FHIP1A: variants seen among roughly 807,000 people sequenced by gnomAD.
The protein encoded by FHIP1A is FHF complex subunit HOOK interacting protein 1A.
In FHIP1A, 61 loss-of-function variants were observed where a neutral mutation model predicts 88.6. That is an observed-to-expected ratio of 0.69 (90% CI 0.56 to 0.85). The LOEUF is 0.85. FHIP1A is among the 40% of genes least tolerant of loss of function. The pLI is 0.00. For synonymous variants in FHIP1A, 478 were observed against 496.0 expected (o/e 0.96, Z 0.48); for missense variants, 1,154 against 1,273.5 (o/e 0.91, Z 1.43).
At chr4:151,436,638 G>A (rs1158890713) in intron 1 of FHIP1A, 1 of 152,146 alleles carries the variant, frequency 6.6e-6, no homozygotes, top group Non-Finnish European at 1.5e-5. Flanking sequence ...ACTTGACAAA[G>A]TGTCATCTTT....
intron 13 of FHIP1A, among the ~76,000 whole-genome samples, chr4:151,659,919 C>T (rs72956927): frequency 0.035 from 5,297 of 152,302 alleles, 310 homozygotes; most frequent in African/African-American, 0.12. Flanking sequence ...TGAGATTCAG[C>T]CACTTGCCAT....
At chr4:151,598,333 T>C (rs1734731109) in intron 7 of FHIP1A, among the ~76,000 whole-genome samples, 1 of 152,192 alleles carries the variant, frequency 6.6e-6, no homozygotes, top group Admixed American at 6.5e-5. Context: ...TGCCCCACCC[T>C]GCTTTGGCTT....
At chr4:151,635,399 C>A (rs564198169) in intron 8 of FHIP1A, among the ~76,000 whole-genome samples, 10 of 151,764 alleles carry the variant, frequency 6.6e-5, no homozygotes, top group Non-Finnish European at 1.2e-4. Flanking sequence ...ATTTAAAGCA[C>A]GATCTTGAAC....
At position 151,516,601 on chromosome 4, in the gene FHIP1A, A is replaced by C. The variant is rs560885481; in HGVS notation, c.-123+33953A>C. 1.1e-4 allele frequency among the ~76,000 whole-genome samples: 16 copies of C among 152,352 alleles called. 2 individuals are homozygous for C. Among genetic ancestry groups the C allele is most frequent in the South Asian group, 4.1e-4 (2 of 4,820 alleles). On this transcript the variant is annotated intron_variant, in intron 3 of 13. Transcript: ENST00000435205. ...ATCTACAATGAACTCAAACAAATTT[A>C]CAAGAAAAAAACAAACAACCCCATC...
intron 3 of FHIP1A, among the ~76,000 whole-genome samples, chr4:151,511,358 G>A (rs913137255): frequency 3.9e-5 from 6 of 152,222 alleles, no homozygotes; most frequent in East Asian, 1.9e-4. Context: ...TGTGAGCGAC[G>A]CAGAAGACGG....
At chr4:151,489,791 C>T (rs1345680835) in intron 3 of FHIP1A, among the ~76,000 whole-genome samples, 1 of 152,102 alleles carries the variant, frequency 6.6e-6, no homozygotes, top group Non-Finnish European at 1.5e-5. Context: ...TACCCTCCAT[C>T]CTCCTCAGTG....
intron 5 of FHIP1A, among the ~76,000 whole-genome samples, chr4:151,579,714 A>G (rs901462245): frequency 9.8e-5 from 15 of 152,360 alleles, no homozygotes; most frequent in Middle Eastern, 3.4e-3. Flanking sequence ...GGAAAGCTCT[A>G]CAGCTTGTAG....
At chr4:151,474,437 T>C (rs539234568) in intron 2 of FHIP1A, among the ~76,000 whole-genome samples, 13 of 152,188 alleles carry the variant, frequency 8.5e-5, no homozygotes, top group Non-Finnish European at 1.8e-4. Context: ...CTGTACTGTT[T>C]AGTGTCAGAA....
chr4:151,588,709 C>T (rs1416906170), intron 6 of FHIP1A, 131 bp from the exon 7 acceptor site: 1 of 711,162 alleles, frequency 1.4e-6, no homozygotes, highest in Non-Finnish European at 2.5e-6. Flanking sequence ...CTGATTTGTT[C>T]TTTAATCACA....
chr4:151,447,945 G>A (rs1728663488), intron 1 of FHIP1A, among the ~76,000 whole-genome samples: 1 of 152,166 alleles, frequency 6.6e-6, no homozygotes. Context: ...GTCTTGCTCT[G>A]TAGCCCAGGC....
rs911335928 is a variant in FHIP1A, at chr4:151,430,902, G to C, written c.-356+21437G>C. ...AAAGTTCTATTGACCTTTTATTCTA[G>C]TATTCTTGTTTGCACCTGAGCAACA... On this transcript the variant is annotated intron_variant, in intron 1 of 13. Coordinates refer to ENST00000435205, the MANE Select transcript of FHIP1A (RefSeq NM_001109977.3). Among the ~76,000 whole-genome samples, 4 of 152,268 alleles carry C rather than the reference G, an allele frequency of 2.6e-5. No individual in the cohort carries two copies. The East Asian group carries it at 7.7e-4, about 29-fold the overall frequency.
rs200768729 is a variant in FHIP1A, at chr4:151,661,260, CT to C, written c.2870-1237del. Among the ~76,000 whole-genome samples the C allele has an allele frequency of 9.6e-3, 1,461 of 152,192 alleles. 21 individuals carry two copies. Among genetic ancestry groups the C allele is most frequent in the African/African-American group, 0.033 (1,366 of 41,508 alleles). ...GACATGTACCTCAGTGACATCAACACTTTTGTGCTCACTCTGTTGCCGGGAC... is the reference window on the plus strand; with the variant it reads ...GACATGTACCTCAGTGACATCAACACTTTGTGCTCACTCTGTTGCCGGGAC... On this transcript the variant is annotated intron_variant, in intron 13 of 13. Transcript: ENST00000435205.
At chr4:151,626,227 T>C (rs1184328047) in intron 7 of FHIP1A, among the ~76,000 whole-genome samples, 1 of 152,180 alleles carries the variant, frequency 6.6e-6, no homozygotes, top group African/African-American at 2.4e-5. Flanking sequence ...AAACCATTAA[T>C]GAAATAATAA....
At chr4:151,615,947 G>A (rs1418312629) in intron 7 of FHIP1A, among the ~76,000 whole-genome samples, 1 of 152,190 alleles carries the variant, frequency 6.6e-6, no homozygotes, top group African/African-American at 2.4e-5. Context: ...ATGGGTGACA[G>A]GAGGGTGGTA....
intron 3 of FHIP1A, among the ~76,000 whole-genome samples, chr4:151,513,372 G>C (rs1206166422): frequency 6.6e-6 from 1 of 152,142 alleles, no homozygotes; most frequent in African/African-American, 2.4e-5. Flanking sequence ...AGACCATCGA[G>C]GCTAGGAAGA....
intron 1 of FHIP1A, among the ~76,000 whole-genome samples, chr4:151,426,281 T>G (rs988226983): frequency 6.6e-6 from 1 of 152,146 alleles, no homozygotes; most frequent in Non-Finnish European, 1.5e-5. Flanking sequence ...ACACCAAGAT[T>G]CTTTAGTAAT....
At chr4:151,537,924 C>A (rs1399330151) in intron 3 of FHIP1A, among the ~76,000 whole-genome samples, 1 of 152,130 alleles carries the variant, frequency 6.6e-6, no homozygotes, top group Non-Finnish European at 1.5e-5. Flanking sequence ...TGGCATTCAT[C>A]CCAGTCATAG....
chr4:151,636,348 A>G (rs1736351594), intron 8 of FHIP1A, among the ~76,000 whole-genome samples: 2 of 152,138 alleles, frequency 1.3e-5, no homozygotes, highest in East Asian at 3.9e-4. Flanking sequence ...TTTCACTAAG[A>G]TAAGGAAGAA....
At chr4:151,585,423 C>T (rs1347704655) in intron 5 of FHIP1A, among the ~76,000 whole-genome samples, 2 of 152,140 alleles carry the variant, frequency 1.3e-5, no homozygotes, top group African/African-American at 2.4e-5. Context: ...AAGTGATCCA[C>T]TCACCTCAGC....
Sources: allele counts gnomAD v4.1 joint callset (sites outside exome capture counted in the v4.1 genomes callset), GRCh38; gene constraint gnomAD v4.1.1; transcripts MANE v1.5; gene names NCBI Gene and HGNC (gene_info 2026-07-23, HGNC 2026-07-21).